Variants in SATL1 observed in about 807,000 individuals in gnomAD.
The protein encoded by SATL1 is spermidine/spermine N(1)-acetyltransferase-like protein 1.
A neutral mutation model predicts 51.8 loss-of-function variants in SATL1; 47 were observed. The ratio of observed to expected loss-of-function variants is 0.91; its 90% CI spans 0.72 to 1.16. The LOEUF (loss-of-function observed/expected upper bound fraction) is 1.16, where lower values mean the gene tolerates loss of function less well. SATL1 is among the 50% of genes most tolerant of loss of function. The probability of loss-of-function intolerance (pLI) is 0.00; values close to 1 mark genes in which losing one functional copy is unlikely to be tolerated. For missense variants in SATL1, 520 were observed against 526.4 expected (o/e 0.99, Z 0.12); for synonymous variants, 176 against 182.4 (o/e 0.97, Z 0.28).
chrX:85,215,146 C>T (rs1161593664), intron 2 of SATL1, among the ~76,000 whole-genome samples: 1 of 111,643 alleles, frequency 9.0e-6, no homozygotes, highest in Non-Finnish European at 1.9e-5. Context: ...AGCTTGCGTC[C>T]TCTGGAGCAG....
intron 2 of SATL1, chrX:85,211,536 A>G (rs1463021729): frequency 9.0e-6 from 1 of 111,443 alleles, no homozygotes. Context: ...CAACCTAAGT[A>G]TTTGCTGCCT....
chrX:85,122,217 G>C, intron 2 of SATL1, among the ~76,000 whole-genome samples: 1 of 110,881 alleles, frequency 9.0e-6, no homozygotes, highest in African/African-American at 3.3e-5. Flanking sequence ...GTAACTTTTT[G>C]CAGACGTCTT....
Position 85,093,178 on chromosome X carries a change from T to C in SATL1, c.1917+7A>G, listed in dbSNP as rs1924581047. On this transcript the variant is annotated splice_region_variant and intron_variant, in intron 7 of 7. Coordinates refer to ENST00000644105, the MANE Select transcript of SATL1 (RefSeq NM_001367857.2). The stretch of plus-strand genomic sequence containing the variant: ...TATAGAATATCAATACTAATTGTAA[T>C]ACATACCTGACTTAGCCTCTTCAGC... 2 of 1,157,982 alleles carry C rather than the reference T, an allele frequency of 1.7e-6. No individual in the cohort carries two copies. The highest frequency in any genetic ancestry group is 3.3e-5 in the East Asian group (1 of 30,619).
intron 2 of SATL1, among the ~76,000 whole-genome samples, chrX:85,147,361 C>A (rs1259420367): frequency 1.8e-5 from 2 of 112,529 alleles, no homozygotes; most frequent in Non-Finnish European, 3.8e-5. Context: ...AGGAGGCCTG[C>A]CTGACTCTGT....
chrX:85,179,920 A>AC (rs1555960677), intron 2 of SATL1, among the ~76,000 whole-genome samples: 102 of 109,402 alleles, frequency 9.3e-4, no homozygotes, highest in African/African-American at 1.7e-3. Flanking sequence ...TTAAAAAAAA[A>AC]ACACACACAC....
intron 2 of SATL1, among the ~76,000 whole-genome samples, chrX:85,197,132 T>C (rs1402454385): frequency 8.9e-6 from 1 of 112,277 alleles, no homozygotes; most frequent in Non-Finnish European, 1.9e-5. Context: ...GAAGAGCTCC[T>C]ACAACTCAAA....
At chrX:85,151,767 T>C (rs186211259) in intron 2 of SATL1, among the ~76,000 whole-genome samples, 79 of 111,699 alleles carry the variant, frequency 7.1e-4, no homozygotes, top group African/African-American at 2.4e-3. Flanking sequence ...TAGCCATATG[T>C]AGAAAGCTGA....
At chrX:85,152,352 CTT>C (rs1926470084) in intron 2 of SATL1, among the ~76,000 whole-genome samples, 1 of 111,490 alleles carries the variant, frequency 9.0e-6, no homozygotes, top group Admixed American at 9.5e-5. Flanking sequence ...TATAGGAACA[CTT>C]TTACACTGTT....
chrX:85,097,634 G>A (rs1924768756), intron 4 of SATL1, among the ~76,000 whole-genome samples: 1 of 112,302 alleles, frequency 8.9e-6, no homozygotes, highest in Admixed American at 9.4e-5. Flanking sequence ...GAGCCACCAT[G>A]CCCAGCCTAA....
intron 2 of SATL1, among the ~76,000 whole-genome samples, chrX:85,140,472 A>G (rs892364255): frequency 2.7e-5 from 3 of 112,128 alleles, no homozygotes; most frequent in African/African-American, 9.7e-5. Flanking sequence ...GGCAGAATTA[A>G]GGTAATTTTT....
chrX:85,147,062 C>T (rs1212518572), intron 2 of SATL1, among the ~76,000 whole-genome samples: 2 of 112,920 alleles, frequency 1.8e-5, no homozygotes, highest in African/African-American at 3.2e-5. Flanking sequence ...GTTCCCTTTC[C>T]TAGTCAAAGA....
rs200816560 is a variant in SATL1, at chrX:85,181,961, A to T, written c.-313+42244T>A. ...AAGCAAGTTTTCTTTAATTAAAAAA[A>T]TTTTAACTGGACACATAATAATTAC... On this transcript the variant is annotated intron_variant, in intron 2 of 7. Transcript: ENST00000644105. Among the ~76,000 whole-genome samples the T allele has an allele frequency of 3.8e-4, 42 of 111,635 alleles. No individual in the cohort carries two copies. In the East Asian group the frequency reaches 0.01, roughly 28 times the overall value.
intron 2 of SATL1, among the ~76,000 whole-genome samples, chrX:85,195,921 A>C (rs189663298): frequency 1.8e-5 from 2 of 110,956 alleles, no homozygotes; most frequent in Admixed American, 2.0e-4. Context: ...TGACAATTGA[A>C]TTGGAGGTTG....
intron 2 of SATL1, among the ~76,000 whole-genome samples, chrX:85,223,742 G>A (rs908287948): frequency 9.0e-6 from 1 of 111,459 alleles, no homozygotes; most frequent in African/African-American, 3.3e-5. Flanking sequence ...CAAGAGAGAA[G>A]CCTGGTACTG....
intron 2 of SATL1, among the ~76,000 whole-genome samples, chrX:85,148,196 A>G (rs1415604254): frequency 2.7e-5 from 3 of 112,097 alleles, no homozygotes; most frequent in African/African-American, 9.7e-5. Context: ...TCAGGAGCCA[A>G]TGCAATCAAC....
At chrX:85,208,709 G>A (rs1229381996) in intron 2 of SATL1, 15 of 112,262 alleles carry the variant, frequency 1.3e-4, no homozygotes, top group African/African-American at 4.5e-4. Context: ...CTTTTGAGAA[G>A]TGTCTGTTCA....
chrX:85,095,226 G>GCCA (rs1924670498), intron 4 of SATL1, among the ~76,000 whole-genome samples: 1 of 112,144 alleles, frequency 8.9e-6, no homozygotes, highest in Non-Finnish European at 1.9e-5. Context: ...CATCAGTGAG[G>GCCA]TGGCAGCTAC....
intron 2 of SATL1, among the ~76,000 whole-genome samples, chrX:85,168,988 T>C (rs183531841): frequency 8.9e-6 from 1 of 111,824 alleles, no homozygotes; most frequent in Non-Finnish European, 1.9e-5. Flanking sequence ...AACCATCCGA[T>C]CTTTGACAAA....
intron 2 of SATL1, chrX:85,211,750 G>T (rs997490261): frequency 1.1e-4 from 12 of 111,429 alleles, no homozygotes; most frequent in African/African-American, 3.9e-4. Flanking sequence ...TGGTGATGAA[G>T]ACGACAGATA....
Sources: gnomAD v4.1 joint callset for allele counts (sites outside exome capture counted in the v4.1 genomes callset) on GRCh38, gnomAD v4.1.1 for gene constraint, MANE v1.5 for transcripts, NCBI Gene and HGNC (gene_info 2026-07-23, HGNC 2026-07-21) for gene names.